Variants in PCDH15 observed in about 807,000 individuals in gnomAD.
PCDH15 encodes the protein protocadherin-15.
In PCDH15, 129 loss-of-function variants were observed where a neutral mutation model predicts 178.5. The observed-to-expected ratio is 0.72, with a 90% CI of 0.63 to 0.84. The LOEUF is 0.84. Ranked by LOEUF, PCDH15 falls within the 40% of genes least tolerant of loss-of-function variation. The probability of loss-of-function intolerance (pLI) is 0.00; values close to 1 mark genes in which losing one functional copy is unlikely to be tolerated. For missense variants in PCDH15, 2,230 were observed against 2,099.9 expected, an observed-to-expected ratio of 1.06 and a Z score of -1.21; for synonymous variants, 800 against 732.0, an observed-to-expected ratio of 1.09 and a Z score of -1.50.
At chr10:55,263,713 G>GT (rs1842205792) in intron 1 of PCDH15, among the ~76,000 whole-genome samples, 1 of 151,574 alleles carries the variant, frequency 6.6e-6, no homozygotes, top group South Asian at 2.1e-4. Context: ...TCTTTAAACT[G>GT]TATTTTTTAA....
At chr10:55,179,213 C>T (rs1442119116) in intron 1 of PCDH15, among the ~76,000 whole-genome samples, 2 of 152,030 alleles carry the variant, frequency 1.3e-5, no homozygotes, top group Non-Finnish European at 2.9e-5. Context: ...AGCTGTTTTC[C>T]CAAAACAATT....
rs2075828983 is a variant in PCDH15 at position 53,810,599 on chromosome 10, C to T, written c.4628G>A (p.Gly1543Asp). 3 of 1,613,858 alleles carry T rather than the reference C, an allele frequency of 1.9e-6. No individual in the cohort carries two copies. Among genetic ancestry groups the T allele is most frequent in the Non-Finnish European group, 2.5e-6 (3 of 1,179,808 alleles). The change falls in exon 37 of 38, where the codon GGT becomes GAT. Residue 1543 changes from glycine (G) to aspartate (D), a missense_variant. Gly to Asp is a moderately conservative substitution (Grantham distance 94, BLOSUM62 -1). Transcript: ENST00000644397. ...TTCCTCAGCTTCACCAACCACCTCA[C>T]CATATTCCTCCTGTCCAGCTGGTGG... ...LLPPAGQEEYGEVVGEAEEEY... is the reference protein window; with the variant it reads ...LLPPAGQEEYDEVVGEAEEEY...
At chr10:54,444,499 A>T (rs556114200) in intron 3 of PCDH15, among the ~76,000 whole-genome samples, 22 of 151,830 alleles carry the variant, frequency 1.4e-4, no homozygotes, top group African/African-American at 5.3e-4. Flanking sequence ...ACATTCCTTC[A>T]AATAGAAAGA....
intron 3 of PCDH15, among the ~76,000 whole-genome samples, chr10:54,491,390 T>C (rs2079577127): frequency 6.6e-6 from 1 of 151,660 alleles, no homozygotes; most frequent in Admixed American, 6.6e-5. Flanking sequence ...AGTTAACAAC[T>C]GGAAAATTCT....
chr10:54,726,447 T>G (rs952280581), intron 1 of PCDH15, among the ~76,000 whole-genome samples: 8 of 150,878 alleles, frequency 5.3e-5, no homozygotes, highest in South Asian at 4.2e-4. Context: ...TGTGTGTGTG[T>G]GTGTGTGTGT....
intron 3 of PCDH15, among the ~76,000 whole-genome samples, chr10:54,840,842 A>G (rs1953405815): frequency 6.6e-6 from 1 of 151,876 alleles, no homozygotes; most frequent in African/African-American, 2.4e-5. Flanking sequence ...GAAAATCAAT[A>G]TATAACAACA....
chr10:54,153,030 G>A (rs568751081), intron 14 of PCDH15, 70 bp downstream of exon 14: 778 of 1,528,872 alleles, frequency 5.1e-4, no homozygotes, highest in Non-Finnish European at 6.5e-4. Flanking sequence ...TACTTGCCGC[G>A]CTTCTTAAAT....
At chr10:54,562,963 T>C (rs2088427506) in intron 2 of PCDH15, among the ~76,000 whole-genome samples, 1 of 152,302 alleles carries the variant, frequency 6.6e-6, no homozygotes, top group African/African-American at 2.4e-5. Context: ...TTGTTGGACT[T>C]AACCTTTTAG....
intron 13 of PCDH15, among the ~76,000 whole-genome samples, chr10:54,171,918 G>A (rs890209736): frequency 3.4e-4 from 51 of 149,436 alleles, no homozygotes; most frequent in African/African-American, 1.1e-3. Context: ...AGGTTCCCAC[G>A]CCGCCCCTAA....
At chr10:55,569,740 A>C (rs1842370824) in intron 2 of PCDH15, among the ~76,000 whole-genome samples, 1 of 151,990 alleles carries the variant, frequency 6.6e-6, no homozygotes, top group Non-Finnish European at 1.5e-5. Flanking sequence ...GAAAACGTAA[A>C]GCTCAGTAAA....
chr10:54,503,880 C>T (rs2080938863), intron 3 of PCDH15, among the ~76,000 whole-genome samples: 1 of 152,020 alleles, frequency 6.6e-6, no homozygotes, highest in Admixed American at 6.6e-5. Flanking sequence ...TCATTTAACC[C>T]CTGAATGAAA....
At chr10:54,099,665 A>G (rs181756516) in intron 15 of PCDH15, among the ~76,000 whole-genome samples, 52 of 151,924 alleles carry the variant, frequency 3.4e-4, no homozygotes, top group African/African-American at 1.2e-3. Flanking sequence ...ATCACACAAT[A>G]TTCTGAATTA....
intron 25 of PCDH15, among the ~76,000 whole-genome samples, chr10:53,916,079 A>C (rs1489883775): frequency 6.6e-6 from 1 of 152,174 alleles, no homozygotes; most frequent in Non-Finnish European, 1.5e-5. Flanking sequence ...CAGATAACTT[A>C]TAATACCTAA....
intron 2 of PCDH15, among the ~76,000 whole-genome samples, chr10:55,047,418 TC>T (rs57417103): frequency 1 from 151,954 of 151,954 alleles, 75,977 homozygotes; most frequent in Non-Finnish European, 1. Flanking sequence ...TCAATCTCAT[TC>T]TGAATTAACC....
At chr10:53,892,402 A>G (rs2081633992) in intron 26 of PCDH15, among the ~76,000 whole-genome samples, 1 of 152,216 alleles carries the variant, frequency 6.6e-6, no homozygotes, top group Non-Finnish European at 1.5e-5. Flanking sequence ...GATTTCTATT[A>G]TAAGTAATAC....
Position 55,602,239 on chromosome 10 carries a change from G to A in PCDH15, c.-156+25386C>T, listed in dbSNP as rs76649263. Reference sequence around the variant, plus strand: ...CCGCACCTGGCTCGGAGGGTCCTACGCCCACGGAGTATCGCTGATTGCTAG... The same window carrying A: ...CCGCACCTGGCTCGGAGGGTCCTACACCCACGGAGTATCGCTGATTGCTAG... On this transcript the variant is annotated intron_variant, in intron 2 of 5. Coordinates refer to the PCDH15 transcript ENST00000613346. 2.0e-5 allele frequency among the ~76,000 whole-genome samples: 3 copies of A among 152,260 alleles called. No individual in the cohort carries two copies. The East Asian group carries it at 5.8e-4, about 29-fold the overall frequency.
chr10:55,182,991 C>T (rs183040542), intron 1 of PCDH15, among the ~76,000 whole-genome samples: 16 of 152,022 alleles, frequency 1.1e-4, no homozygotes, highest in South Asian at 2.1e-4. Flanking sequence ...TAGCACTACC[C>T]TTGGTCACTC....
chr10:54,602,152 A>G (rs879399105), intron 2 of PCDH15, among the ~76,000 whole-genome samples: 8 of 152,048 alleles, frequency 5.3e-5, no homozygotes, highest in East Asian at 3.9e-4. Flanking sequence ...AAAAAGAAAA[A>G]TGTTGTATTT....
chr10:54,413,033 A>C (rs1468159291), intron 3 of PCDH15, among the ~76,000 whole-genome samples: 1 of 152,260 alleles, frequency 6.6e-6, no homozygotes, highest in African/African-American at 2.4e-5. Context: ...CTACTTGCTT[A>C]CTGAACTTTG....
Sources: gnomAD v4.1 joint callset for allele counts (sites outside exome capture counted in the v4.1 genomes callset) on GRCh38, gnomAD v4.1.1 for gene constraint, MANE v1.5 for transcripts, NCBI Gene and HGNC (gene_info 2026-07-23, HGNC 2026-07-21) for gene names.